The following LCT variants were observed in gnomAD, a reference collection of about 807,000 sequenced individuals.
The protein encoded by LCT is lactase.
Under a neutral mutation model 173.0 loss-of-function variants are expected in LCT, and 90 were observed. That is an observed-to-expected ratio of 0.52 (90% confidence interval 0.44 to 0.62). The LOEUF (loss-of-function observed/expected upper bound fraction) is 0.62. LCT is among the 20% of genes least tolerant of loss of function. The pLI is 0.00. For missense variants in LCT, 1,864 were observed against 2,431.4 expected (o/e 0.77, Z 4.91); for synonymous variants, 853 against 957.6 (o/e 0.89, Z 2.02).
Position 135,800,780 on chromosome 2 carries a change from A to T in LCT, c.4693T>A (p.Tyr1565Asn), listed in dbSNP as rs1559550900. The T allele has an allele frequency of 6.2e-7, 1 of 1,614,118 alleles. No homozygotes were observed. Among genetic ancestry groups the T allele is most frequent in the Admixed American group, 1.7e-5 (1 of 60,024 alleles). ...GVSNRPGTAPYIVGHNLIKAH... is the reference protein window; with the variant it reads ...GVSNRPGTAPNIVGHNLIKAH... ...TTTATTAGATTGTGGCCAACAATGTAGGGGGCAGTGCCAGGCCTATTGGAG... is the reference window on the plus strand; with the variant it reads ...TTTATTAGATTGTGGCCAACAATGTTGGGGGCAGTGCCAGGCCTATTGGAG... The change falls in exon 12 of 17, where the codon TAC becomes AAC. Residue 1565 changes from tyrosine (Y) to asparagine (N), a missense_variant. Around this residue, in one of 4 missense-constraint regions of LCT, gnomAD observed 514 missense variants for 750.1 expected, o/e 0.69. Transcript: ENST00000264162.
chr2:135,828,406 G>C (rs2077904871), intron 3 of LCT, among the ~76,000 whole-genome samples: 1 of 152,204 alleles, frequency 6.6e-6, no homozygotes, highest in South Asian at 2.1e-4. Context: ...CCACAGGTGA[G>C]TGTAGGGGGC....
At chr2:135,802,840 A>G (rs554506409) in intron 11 of LCT, among the ~76,000 whole-genome samples, 1 of 152,308 alleles carries the variant, frequency 6.6e-6, no homozygotes, top group South Asian at 2.1e-4. Context: ...GGCTGGGTGC[A>G]GTGGCTCACA....
At chr2:135,807,509 T>A in intron 8 of LCT, 113 bp from the exon 9 acceptor site, 1 of 996,718 alleles carries the variant, frequency 1.0e-6, no homozygotes, top group Non-Finnish European at 1.6e-6. Context: ...AAAAGTGACA[T>A]ACACCCTGAG....
At chr2:135,833,603 C>T (rs1276423378) in intron 1 of LCT, among the ~76,000 whole-genome samples, 4 of 151,012 alleles carry the variant, frequency 2.6e-5, no homozygotes, top group Non-Finnish European at 5.9e-5. Context: ...CCCGCCACCA[C>T]GCCCGGCTAA....
chr2:135,816,001 G>A (rs556060657), intron 6 of LCT, among the ~76,000 whole-genome samples: 2 of 152,150 alleles, frequency 1.3e-5, no homozygotes, highest in African/African-American at 2.4e-5. Context: ...ATGCCCGGCC[G>A]GAAATACTCA....
intron 5 of LCT, among the ~76,000 whole-genome samples, chr2:135,819,014 C>T (rs2077806342): frequency 6.6e-6 from 1 of 152,180 alleles, no homozygotes; most frequent in Non-Finnish European, 1.5e-5. Context: ...CCATCCTGAA[C>T]CATGAGGTAG....
intron 9 of LCT, among the ~76,000 whole-genome samples, 190 bp downstream of exon 9, chr2:135,806,938 T>A (rs2077679901): frequency 6.6e-6 from 1 of 152,206 alleles, no homozygotes; most frequent in East Asian, 1.9e-4. Flanking sequence ...CTCACCATGC[T>A]GGTCTGGGTA....
intron 7 of LCT, chr2:135,810,207 G>A: frequency 5.5e-6 from 3 of 542,188 alleles, no homozygotes; most frequent in Non-Finnish European, 9.8e-6. Context: ...GGGGGAGAAG[G>A]GTATTAGAAG....
chr2:135,809,872 G>A lies in LCT; in HGVS notation c.2475C>T (p.Ser825=). Residue 825 remains serine (S), a synonymous_variant, in exon 8 of 17, where the codon AGC becomes AGT. Transcript: ENST00000264162. This position sits in a 1 kb window ranked among gnomAD's most constrained non-coding sequence, Gnocchi z 5.5. The part of the protein sequence containing the change: ...FGLHHVNFSD[S]SKSRTPRKSA... Reference sequence around the variant, plus strand: ...ATTTCCTGGGAGTCCTTGACTTGCTGCTGTCGCTGAAGTTGACGTGGTGCA... The same window carrying A: ...ATTTCCTGGGAGTCCTTGACTTGCTACTGTCGCTGAAGTTGACGTGGTGCA... 6.2e-7 allele frequency: 1 copy of A among 1,614,196 alleles called. No individual in the cohort carries two copies.
In LCT at chr2:135,808,660, G is replaced by A; in HGVS notation, c.3687C>T (p.Asp1229=). 6.2e-7 allele frequency: 1 copy of A among 1,614,180 alleles called. No homozygotes were observed. The highest frequency in any genetic ancestry group is 2.2e-5 in the East Asian group (1 of 44,888). ...PRLNPPSYED[D]QEMAEEEDPS... is the part of the protein sequence containing the mutation. ...GGTCCTCCTCCTCAGCCATCTCCTG[G>A]TCGTCTTCGTAGGAGGGTGGGTTTA... Residue 1229 remains aspartate, a synonymous_variant, in exon 8 of 17, where the codon GAC becomes GAT. Coordinates refer to ENST00000264162, the MANE Select transcript of LCT (RefSeq NM_002299.4).
At chr2:135,803,405 C>CT (rs1481330546) in intron 11 of LCT, among the ~76,000 whole-genome samples, 4 of 152,166 alleles carry the variant, frequency 2.6e-5, no homozygotes, top group African/African-American at 9.7e-5. Context: ...AGAAAAGTAC[C>CT]TATCAGCCCC....
At chr2:135,830,464 T>A (rs1311382057) in intron 2 of LCT, among the ~76,000 whole-genome samples, 2 of 152,138 alleles carry the variant, frequency 1.3e-5, no homozygotes, top group Non-Finnish European at 2.9e-5. Context: ...GTCTTATCCC[T>A]CCCACTGATC....
rs765243867 is a variant in LCT, at chr2:135,808,763, C to G, written c.3584G>C (p.Arg1195Thr). The G allele has an allele frequency of 6.2e-6, 10 of 1,614,074 alleles. No individual in the cohort carries two copies. The highest frequency in any genetic ancestry group is 8.5e-6 in the Non-Finnish European group (10 of 1,179,920). The change falls in exon 8 of 17, where the codon AGG becomes ACG. Residue 1195 changes from arginine to threonine, a missense_variant. Physicochemically the swap from Arg to Thr is moderately conservative, Grantham distance 71. Coordinates refer to ENST00000264162, the MANE Select transcript of LCT (RefSeq NM_002299.4). ...GACGTCGGCCGTCGCCCTGATGAAC[C>G]TCTTCTCTTCCTCAGTGAAGCTTGG... ...RLPSFTEEEK[R>T]FIRATADVFC...
intron 3 of LCT, among the ~76,000 whole-genome samples, chr2:135,826,666 C>G (rs963244122): frequency 1.3e-5 from 2 of 152,186 alleles, no homozygotes; most frequent in African/African-American, 4.8e-5. Flanking sequence ...AGGCACGCCA[C>G]CTCCGCACAA....
chr2:135,833,206 G>T lies in LCT; in HGVS notation c.641-16C>A. On this transcript the variant is annotated splice_polypyrimidine_tract_variant and intron_variant, in intron 1 of 16. Coordinates refer to ENST00000264162, the MANE Select transcript of LCT (RefSeq NM_002299.4). ...AGTTTTCCGCCTGAAACCAACCAGA[G>T]ACACGAACAGCAGGTGAGCGAGGGC... 6.2e-7 allele frequency: 1 copy of T among 1,603,210 alleles called. No individual in the cohort carries two copies. The highest frequency in any genetic ancestry group is 8.5e-7 in the Non-Finnish European group (1 of 1,170,584).
chr2:135,795,235 T>G (rs2077573230), intron 13 of LCT, among the ~76,000 whole-genome samples: 1 of 151,572 alleles, frequency 6.6e-6, no homozygotes, highest in South Asian at 2.1e-4. Context: ...TGTGGCTGAG[T>G]CTGGCTCTGT....
intron 6 of LCT, among the ~76,000 whole-genome samples, chr2:135,813,448 C>A (rs1376611353): frequency 6.6e-6 from 1 of 152,194 alleles, no homozygotes; most frequent in African/African-American, 2.4e-5. Flanking sequence ...TCAAAATTGT[C>A]AACAAAATAA....
rs376732886 is a variant in LCT at position 135,788,452 on chromosome 2, C to A, written c.5656G>T (p.Val1886Phe). The change falls in exon 17 of 17, where the codon GTT becomes TTT. Residue 1886 changes from valine to phenylalanine, a missense_variant. Transcript: ENST00000264162. ...CCAAGAAGCACAAGAGAAAAGAGAA[C>A]GTACAAAGCTGTCTGTGCTTCTGTG... ...GTTEAQTALY[V>F]LFSLVLLGVC... 2 of 1,613,682 alleles carry A rather than the reference C, an allele frequency of 1.2e-6. No homozygotes were observed. The highest frequency in any genetic ancestry group is 1.7e-6 in the Non-Finnish European group (2 of 1,179,862).
chr2:135,798,855 C>T (rs2077603414), intron 12 of LCT, among the ~76,000 whole-genome samples: 1 of 152,064 alleles, frequency 6.6e-6, no homozygotes, highest in African/African-American at 2.4e-5. Flanking sequence ...AACACACATG[C>T]CCTGGTAAAG....
Sources: gnomAD v4.1 joint callset for allele counts (sites outside exome capture counted in the v4.1 genomes callset) on GRCh38, gnomAD v4.1.1 for gene constraint, gnomAD v4.1.1 regional missense constraint, Gnocchi (gnomAD v3.1) non-coding constraint, MANE v1.5 for transcripts, NCBI Gene and HGNC (gene_info 2026-07-23, HGNC 2026-07-21) for gene names.